Variants in SOX6 observed in about 807,000 individuals in gnomAD.
SOX6 encodes SRY-box transcription factor 6.
A neutral mutation model predicts 97.8 loss-of-function variants in SOX6; 11 were observed. The ratio of observed to expected loss-of-function variants is 0.11; its 90% CI spans 0.07 to 0.19. The LOEUF is 0.19. Ranked by LOEUF, SOX6 falls within the 10% of genes least tolerant of loss-of-function variation. The pLI, the probability that SOX6 is intolerant of heterozygous loss-of-function variation, is 1.00. For synonymous variants in SOX6, 360 were observed against 371.4 expected, an observed-to-expected ratio of 0.97 and a Z score of 0.35; for missense variants, 810 against 1,039.5, an observed-to-expected ratio of 0.78 and a Z score of 3.04.
intron 3 of SOX6, among the ~76,000 whole-genome samples, chr11:16,243,934 T>C (rs1374312063): frequency 1.3e-5 from 2 of 151,986 alleles, no homozygotes; most frequent in African/African-American, 4.8e-5. Context: ...TCTATGGACA[T>C]GTGGGTTGTT....
chr11:16,317,597 T>G (rs1855789664), intron 3 of SOX6: 2 of 154,556 alleles, frequency 1.3e-5, no homozygotes, highest in Non-Finnish European at 2.9e-5. Context: ...ATTGGAATCT[T>G]TTAAGTTTTT....
chr11:16,248,941 C>CA lies in SOX6; in HGVS notation c.446-14271dup, dbSNP rs1232044755. On this transcript the variant is annotated intron_variant, in intron 3 of 15. Coordinates refer to ENST00000683767, the MANE Select transcript of SOX6 (RefSeq NM_001367873.1). ...TGAAACCCCATCTCTACTAAAAATA[C>CA]AAAAAGAAAATTAGCTGGGCATGGT... Among the ~76,000 whole-genome samples, 30 of 151,686 alleles carry CA rather than the reference C, an allele frequency of 2.0e-4. 1 individual carries two copies. Among genetic ancestry groups the CA allele is most frequent in the South Asian group, 4.2e-4 (2 of 4,790 alleles).
chr11:16,519,515 A>C (rs1164332135), intron 4 of SOX6, among the ~76,000 whole-genome samples: 1 of 152,098 alleles, frequency 6.6e-6, no homozygotes, highest in African/African-American at 2.4e-5. Context: ...TGTTGCTGCA[A>C]AGGACATGAT....
intron 4 of SOX6, among the ~76,000 whole-genome samples, chr11:16,575,975 T>C (rs1273983342): frequency 6.6e-6 from 1 of 152,190 alleles, no homozygotes; most frequent in African/African-American, 2.4e-5. Context: ...ACCTCAGAGT[T>C]ACTGTGAATG....
chr11:16,167,294 C>T (rs573677634), intron 6 of SOX6, among the ~76,000 whole-genome samples: 2 of 152,270 alleles, frequency 1.3e-5, no homozygotes, highest in Admixed American at 1.3e-4. Flanking sequence ...CACTCTAAAT[C>T]TCGTTGGCTT....
chr11:16,112,004 T>C, intron 6 of SOX6, 81 bp from the exon 7 acceptor site: 2 of 1,571,922 alleles, frequency 1.3e-6, no homozygotes, highest in Non-Finnish European at 1.7e-6. Flanking sequence ...CCTGGTGGTG[T>C]GCTGGTACCC....
intron 4 of SOX6, among the ~76,000 whole-genome samples, chr11:16,499,069 C>T (rs1052133604): frequency 4.6e-5 from 7 of 152,106 alleles, no homozygotes; most frequent in Non-Finnish European, 8.8e-5. Context: ...TAAAGCACTC[C>T]GCAGCAAATG....
intron 3 of SOX6, chr11:16,314,319 T>A (rs1420349553): frequency 1.3e-5 from 2 of 152,126 alleles, no homozygotes; most frequent in Non-Finnish European, 2.9e-5. Flanking sequence ...TCTATATAAA[T>A]CCTTTCATTC....
intron 6 of SOX6, among the ~76,000 whole-genome samples, chr11:16,162,552 T>C (rs907739208): frequency 2.0e-4 from 31 of 152,282 alleles, no homozygotes; most frequent in African/African-American, 7.2e-4. Context: ...CCTCACACTC[T>C]CTTGCTCCTG....
chr11:16,207,221 C>A (rs1590028346), intron 4 of SOX6, among the ~76,000 whole-genome samples: 3 of 152,204 alleles, frequency 2.0e-5, no homozygotes, highest in African/African-American at 7.2e-5. Flanking sequence ...AAGAAGAAAC[C>A]AAATGCTTAT....
chr11:16,677,328 G>C (rs1300289408), intron 3 of SOX6, among the ~76,000 whole-genome samples: 1 of 151,982 alleles, frequency 6.6e-6, no homozygotes, highest in Non-Finnish European at 1.5e-5. Context: ...GTAAGTTAAA[G>C]TGTTACAAAG....
chr11:15,988,164 A>G (rs1270532065), intron 14 of SOX6, among the ~76,000 whole-genome samples: 1 of 152,244 alleles, frequency 6.6e-6, no homozygotes, highest in African/African-American at 2.4e-5. Flanking sequence ...TGACAGCTTT[A>G]AGTAGAGCAG....
intron 13 of SOX6, among the ~76,000 whole-genome samples, chr11:16,005,323 G>A (rs1191992291): frequency 6.6e-6 from 1 of 151,776 alleles, no homozygotes; most frequent in African/African-American, 2.4e-5. Flanking sequence ...GCTCAACCGA[G>A]AAAGACCATC....
chr11:16,240,317 G>GT (rs1853151142), intron 3 of SOX6, among the ~76,000 whole-genome samples: 1 of 55,948 alleles, frequency 1.8e-5, no homozygotes, highest in African/African-American at 7.0e-5. Flanking sequence ...TGTGTGTGTG[G>GT]CAGTGGAAGC....
chr11:16,674,711 G>A (rs1215441257), intron 3 of SOX6, among the ~76,000 whole-genome samples: 1 of 152,146 alleles, frequency 6.6e-6, no homozygotes, highest in Non-Finnish European at 1.5e-5. Flanking sequence ...AGCACTTTGG[G>A]AAGCCAAGGC....
chr11:16,471,168 T>G lies in SOX6; in HGVS notation c.-5+5147A>C, dbSNP rs116832635. On this transcript the variant is annotated intron_variant, in intron 1 of 15. Transcript: ENST00000396356. ...TTACATAATTATTTTTCATTAGAGA[T>G]AAGAAAAAATCAAATGTGAGATAAG... Among the ~76,000 whole-genome samples, 1,136 of 151,384 alleles carry G rather than the reference T, an allele frequency of 7.5e-3. 15 individuals are homozygous for G. The highest frequency in any genetic ancestry group is 0.025 in the African/African-American group (1,021 of 41,304).
chr11:16,175,168 G>A (rs549082813), intron 6 of SOX6, among the ~76,000 whole-genome samples: 21 of 152,030 alleles, frequency 1.4e-4, no homozygotes, highest in African/African-American at 4.6e-4. Flanking sequence ...AAATATGCAT[G>A]TGTGTATAGA....
intron 1 of SOX6, among the ~76,000 whole-genome samples, chr11:16,364,055 T>A (rs1471808323): frequency 6.6e-6 from 1 of 152,174 alleles, no homozygotes; most frequent in East Asian, 1.9e-4. Context: ...GCAGAAAGTA[T>A]ATAATGCTAC....
At chr11:16,596,352 A>G (rs565275745) in intron 4 of SOX6, among the ~76,000 whole-genome samples, 16 of 152,364 alleles carry the variant, frequency 1.1e-4, no homozygotes, top group African/African-American at 3.1e-4. Flanking sequence ...GCTAAGAAAG[A>G]GAAGTGCAGT....
Sources: gnomAD v4.1 joint callset for allele counts (sites outside exome capture counted in the v4.1 genomes callset) on GRCh38, gnomAD v4.1.1 for gene constraint, MANE v1.5 for transcripts, NCBI Gene and HGNC (gene_info 2026-07-23, HGNC 2026-07-21) for gene names.